The following CCSER1 variants were observed in gnomAD, a reference collection of about 807,000 sequenced individuals.
CCSER1 encodes the protein serine-rich coiled-coil domain-containing protein 1.
A neutral mutation model predicts 82.0 loss-of-function variants in CCSER1; 41 were observed. The ratio of observed to expected loss-of-function variants is 0.50; its 90% confidence interval spans 0.39 to 0.65. The LOEUF (loss-of-function observed/expected upper bound fraction) is 0.65. Ranked by LOEUF, CCSER1 falls within the 30% of genes least tolerant of loss-of-function variation. The probability of loss-of-function intolerance (pLI) is 0.00; values close to 1 mark genes in which losing one functional copy is unlikely to be tolerated. For missense variants in CCSER1, 1,119 were observed against 1,064.2 expected, an observed-to-expected ratio of 1.05 and a Z score of -0.72; for synonymous variants, 414 against 383.9, an observed-to-expected ratio of 1.08 and a Z score of -0.92.
chr4:90,630,639 A>T (rs1010007067), intron 6 of CCSER1, among the ~76,000 whole-genome samples: 2 of 152,006 alleles, frequency 1.3e-5, no homozygotes, highest in African/African-American at 4.8e-5. Flanking sequence ...TATGATTAGC[A>T]TAGACAACAG....
chr4:90,170,829 G>A (rs1276525591), intron 1 of CCSER1, among the ~76,000 whole-genome samples: 1 of 151,634 alleles, frequency 6.6e-6, no homozygotes, highest in African/African-American at 2.4e-5. Context: ...AATAAACATG[G>A]GAGTGCAGAT....
chr4:90,832,669 T>C (rs1449701010), intron 8 of CCSER1, among the ~76,000 whole-genome samples: 2 of 152,214 alleles, frequency 1.3e-5, no homozygotes, highest in African/African-American at 4.8e-5. Context: ...CATATTCTTA[T>C]TTTAATTAGA....
intron 5 of CCSER1, among the ~76,000 whole-genome samples, chr4:90,618,430 T>G (rs1261306341): frequency 6.6e-6 from 1 of 151,994 alleles, no homozygotes; most frequent in African/African-American, 2.4e-5. Flanking sequence ...CAGTAATATT[T>G]TTAATAATGT....
intron 1 of CCSER1, among the ~76,000 whole-genome samples, chr4:90,282,382 TATAG>T (rs1420960118): frequency 6.6e-6 from 1 of 151,710 alleles, no homozygotes; most frequent in Admixed American, 6.6e-5. Flanking sequence ...GTAAAAGTGA[TATAG>T]AAAGTATCTA....
rs1752605691 is a variant in CCSER1, at chr4:90,400,145, A to G, written c.1603+16A>G. On this transcript the variant is annotated intron_variant, in intron 4 of 10. Coordinates refer to ENST00000509176, the MANE Select transcript of CCSER1 (RefSeq NM_001145065.2). ...CACCCTTCTGGTAAGTGTTAAAGAG[A>G]TGAATAATATCATACAACTCCTACC... The G allele has an allele frequency of 1.4e-6, 2 of 1,391,732 alleles. No individual in the cohort carries two copies. Among genetic ancestry groups the G allele is most frequent in the East Asian group, 4.6e-5 (2 of 43,622 alleles). 86.2% of individuals were successfully genotyped at this position (1,391,732 alleles called of 1,614,324 possible).
chr4:90,766,942 A>T (rs1022368477), intron 7 of CCSER1, among the ~76,000 whole-genome samples: 2 of 152,208 alleles, frequency 1.3e-5, no homozygotes, highest in South Asian at 2.1e-4. Context: ...GCAATTCATA[A>T]CTACTTTAGC....
chr4:90,807,937 CA>C (rs1300469031), intron 7 of CCSER1, among the ~76,000 whole-genome samples: 1 of 151,802 alleles, frequency 6.6e-6, no homozygotes, highest in Non-Finnish European at 1.5e-5. Context: ...TGCTAATAGC[CA>C]AAGTAATCCT....
chr4:90,277,392 T>C (rs995591302), intron 1 of CCSER1, among the ~76,000 whole-genome samples: 3 of 152,146 alleles, frequency 2.0e-5, no homozygotes, highest in African/African-American at 7.2e-5. Flanking sequence ...GGCCACACAT[T>C]ACCTGTCTTC....
At chr4:90,930,546 T>C (rs1046425591) in intron 9 of CCSER1, among the ~76,000 whole-genome samples, 1 of 151,386 alleles carries the variant, frequency 6.6e-6, no homozygotes, top group Non-Finnish European at 1.5e-5. Context: ...CAGGGAGGCG[T>C]AGCTTGCAGT....
At chr4:91,517,638 C>T (rs1298505150) in intron 10 of CCSER1, among the ~76,000 whole-genome samples, 1 of 149,688 alleles carries the variant, frequency 6.7e-6, no homozygotes, top group East Asian at 2.0e-4. Context: ...GAACCTCAGC[C>T]CATTTAAGAA....
At chr4:90,153,028 C>T (rs1727194061) in intron 1 of CCSER1, among the ~76,000 whole-genome samples, 1 of 112,684 alleles carries the variant, frequency 8.9e-6, no homozygotes, top group African/African-American at 3.2e-5. Flanking sequence ...AATGCTATCC[C>T]TCCCCCCTCC....
intron 10 of CCSER1, among the ~76,000 whole-genome samples, chr4:91,196,788 C>T (rs1348508028): frequency 6.6e-6 from 1 of 152,212 alleles, no homozygotes; most frequent in Non-Finnish European, 1.5e-5. Flanking sequence ...ACTCTTTTGG[C>T]TCCTGTAACC....
At chr4:90,378,620 ACT>A (rs1419987557) in intron 3 of CCSER1, among the ~76,000 whole-genome samples, 4 of 152,186 alleles carry the variant, frequency 2.6e-5, no homozygotes, top group Non-Finnish European at 5.9e-5. Flanking sequence ...AGCTTATTTT[ACT>A]GGCAACTCTG....
At chr4:90,670,459 G>C (rs938736649) in intron 6 of CCSER1, among the ~76,000 whole-genome samples, 2 of 151,996 alleles carry the variant, frequency 1.3e-5, no homozygotes, top group Non-Finnish European at 2.9e-5. Context: ...CCATATAATT[G>C]TCCCCACCTT....
At chr4:91,337,494 TG>T (rs991819670) in intron 10 of CCSER1, among the ~76,000 whole-genome samples, 33 of 152,194 alleles carry the variant, frequency 2.2e-4, no homozygotes, top group African/African-American at 7.5e-4. Flanking sequence ...CTTTCCATAT[TG>T]ATATTCCATG....
chr4:90,700,126 A>C lies in CCSER1; in HGVS notation c.1933-23788A>C, dbSNP rs1009420916. 4.1e-4 allele frequency among the ~76,000 whole-genome samples: 62 copies of C among 151,788 alleles called. 1 individual carries two copies. The highest frequency in any genetic ancestry group is 1.2e-4 in the Non-Finnish European group (8 of 67,982). ...TACATTAGGTATATCTCCTAATGCTATCCCTCCCCACTCCCCTCACCCCAC... is the reference window on the plus strand; with the variant it reads ...TACATTAGGTATATCTCCTAATGCTCTCCCTCCCCACTCCCCTCACCCCAC... On this transcript the variant is annotated intron_variant, in intron 6 of 10. Transcript: ENST00000509176.
At chr4:90,963,412 AT>A (rs1029715784) in intron 9 of CCSER1, among the ~76,000 whole-genome samples, 4 of 151,994 alleles carry the variant, frequency 2.6e-5, no homozygotes, top group Non-Finnish European at 4.4e-5. Flanking sequence ...ACATATATAC[AT>A]TTTTTTTGTT....
chr4:90,346,268 A>G (rs1377645912), intron 3 of CCSER1, among the ~76,000 whole-genome samples: 2 of 152,088 alleles, frequency 1.3e-5, no homozygotes, highest in African/African-American at 4.8e-5. Flanking sequence ...GATCAAAACA[A>G]TATTTAAAAT....
chr4:91,028,646 G>A (rs544803647), intron 9 of CCSER1, among the ~76,000 whole-genome samples: 1 of 151,722 alleles, frequency 6.6e-6, no homozygotes, highest in African/African-American at 2.4e-5. Flanking sequence ...CTCCACTAAT[G>A]AACAAAAGTA....
Sources: gnomAD v4.1 joint callset for allele counts (sites outside exome capture counted in the v4.1 genomes callset) on GRCh38, gnomAD v4.1.1 for gene constraint, MANE v1.5 for transcripts, NCBI Gene and HGNC (gene_info 2026-07-23, HGNC 2026-07-21) for gene names.